Variants in NEK10 observed in about 807,000 individuals in gnomAD.
The protein encoded by NEK10 is serine/threonine-protein kinase Nek10.
NEK10 carries 122 observed loss-of-function variants against 159.8 expected under a neutral mutation model. The ratio of observed to expected loss-of-function variants is 0.76; its 90% CI spans 0.66 to 0.89. NEK10 has a LOEUF of 0.89. Among genes scored for constraint, NEK10 ranks in the 40% least tolerant of loss-of-function variants. The probability of loss-of-function intolerance (pLI) is 0.00; values close to 1 mark genes in which losing one functional copy is unlikely to be tolerated. For synonymous variants in NEK10, 466 were observed against 457.1 expected (o/e 1.02, Z -0.25); for missense variants, 1,342 against 1,323.1 (o/e 1.01, Z -0.22).
intron 23 of NEK10, among the ~76,000 whole-genome samples, chr3:27,230,002 T>C (rs1395893555): frequency 6.6e-6 from 1 of 152,018 alleles, no homozygotes; most frequent in Non-Finnish European, 1.5e-5. Flanking sequence ...GATATCCAAA[T>C]ACAAGAAGCT....
chr3:27,216,763 CCT>C (rs1559628526), intron 23 of NEK10, among the ~76,000 whole-genome samples: 1 of 152,194 alleles, frequency 6.6e-6, no homozygotes, highest in Non-Finnish European at 1.5e-5. Context: ...CTAGTTAATG[CCT>C]CACGGAGCAG....
intron 30 of NEK10, among the ~76,000 whole-genome samples, chr3:27,143,808 C>T (rs1166648883): frequency 6.6e-6 from 1 of 152,162 alleles, no homozygotes; most frequent in East Asian, 1.9e-4. Flanking sequence ...GTGTTGACTT[C>T]CACTCACTTC....
Position 27,122,024 on chromosome 3 carries a change from T to G in NEK10, c.3082-2156A>C, listed in dbSNP as rs1051614170. ...TTGGATATTGTAAATACAAATCATT[T>G]GTGGGTTTCCTAGTCTCCATGTTGA... On this transcript the variant is annotated intron_variant, in intron 32 of 35. Coordinates refer to ENST00000691995, the MANE Select transcript of NEK10 (RefSeq NM_001394966.1). Among the ~76,000 whole-genome samples, 3 of 152,206 alleles carry G rather than the reference T, an allele frequency of 2.0e-5. No individual in the cohort carries two copies. The East Asian group carries it at 5.8e-4, about 29-fold the overall frequency.
At chr3:27,136,012 C>A (rs1487128354) in intron 31 of NEK10, among the ~76,000 whole-genome samples, 1 of 151,100 alleles carries the variant, frequency 6.6e-6, no homozygotes, top group African/African-American at 2.4e-5. Flanking sequence ...TTCTGAACTA[C>A]ATTTTTTTCC....
At chr3:27,139,964 G>A (rs571941833) in intron 31 of NEK10, among the ~76,000 whole-genome samples, 32 of 152,276 alleles carry the variant, frequency 2.1e-4, no homozygotes, top group African/African-American at 6.7e-4. Flanking sequence ...GACACCGAAC[G>A]ATACATGATT....
intron 23 of NEK10, among the ~76,000 whole-genome samples, chr3:27,218,736 TA>T (rs1178048499): frequency 0.046 from 4,283 of 93,126 alleles, 87 homozygotes; most frequent in African/African-American, 0.064. Context: ...GAATGAAGTC[TA>T]AAAAAAAAAA....
In NEK10 at chr3:27,344,367, T is replaced by A. The variant is rs761542464; in HGVS notation, c.267A>T (p.Ile89=). 1.3e-6 allele frequency: 2 copies of A among 1,520,188 alleles called. No homozygotes were observed. Among genetic ancestry groups the A allele is most frequent in the Admixed American group, 3.5e-5 (2 of 57,262 alleles). The allele number at this position is 1,520,188 out of a possible 1,614,324, so 94.2% of individuals were successfully genotyped here. A position where few individuals can be genotyped will look rare whatever the true frequency, so the allele number is the denominator to read the frequency against. ...TGAAATTTCTCTCATTCTTGTAGTTTATACTGAGACAAAACAAACAGAAAA... is the reference window on the plus strand; with the variant it reads ...TGAAATTTCTCTCATTCTTGTAGTTAATACTGAGACAAAACAAACAGAAAA... ...TEAVELENFS[I]NYKNERNFSK... Residue 89 remains isoleucine (I), a synonymous_variant, in exon 5 of 36, where the codon ATA becomes ATT. Coordinates refer to ENST00000691995, the MANE Select transcript of NEK10 (RefSeq NM_001394966.1).
rs983037693 is a variant in NEK10, at chr3:27,110,723, A to AT, written c.*548dup. On this transcript the variant is annotated 3_prime_UTR_variant, in exon 36 of 36. Coordinates refer to ENST00000691995, the MANE Select transcript of NEK10 (RefSeq NM_001394966.1). The stretch of plus-strand genomic sequence containing the variant: ...TGGTTAAGCGAGAACCAACCCATCC[A>AT]TTAAAAAAAAAAAAATTTAATCACG... 1 of 152,218 alleles carries AT rather than the reference A, an allele frequency of 6.6e-6. No homozygotes were observed. The highest frequency in any genetic ancestry group is 2.4e-5 in the African/African-American group (1 of 41,266). 9.4% of individuals were successfully genotyped at this position (152,218 alleles called of 1,614,324 possible). A position where few individuals can be genotyped will look rare whatever the true frequency, so the allele number is the denominator to read the frequency against.
At chr3:27,176,719 A>G (rs936355476) in intron 26 of NEK10, among the ~76,000 whole-genome samples, 1 of 152,176 alleles carries the variant, frequency 6.6e-6, no homozygotes, top group Non-Finnish European at 1.5e-5. Flanking sequence ...GACCTTTTTT[A>G]TTCTAAGTAA....
intron 23 of NEK10, among the ~76,000 whole-genome samples, chr3:27,230,082 A>C (rs531044299): frequency 6.6e-6 from 1 of 152,134 alleles, no homozygotes; most frequent in Non-Finnish European, 1.5e-5. Context: ...GCAAACCAAA[A>C]TCAGCATGAA....
intron 16 of NEK10, among the ~76,000 whole-genome samples, chr3:27,292,767 C>CA (rs35773318): frequency 0.25 from 22,182 of 88,206 alleles, 4,265 homozygotes; most frequent in African/African-American, 0.52. Context: ...GAGCCTTTGT[C>CA]AAAAAAAAAA....
At chr3:27,206,012 GA>G (rs1339113112) in intron 23 of NEK10, among the ~76,000 whole-genome samples, 1 of 151,930 alleles carries the variant, frequency 6.6e-6, no homozygotes, top group Admixed American at 6.6e-5. Flanking sequence ...AAATTTACAA[GA>G]AAAAAAGATA....
chr3:27,141,395 C>T, intron 31 of NEK10, 87 bp downstream of exon 31: 1 of 978,280 alleles, frequency 1.0e-6, no homozygotes, highest in East Asian at 2.5e-5. Context: ...AGAATTCAAT[C>T]TAAAGTCCTC....
At chr3:27,340,926 GC>G (rs762199414) in intron 5 of NEK10, among the ~76,000 whole-genome samples, 16 of 152,136 alleles carry the variant, frequency 1.1e-4, no homozygotes, top group Admixed American at 2.0e-4. Context: ...GTTCACAAAA[GC>G]AAAGATATGG....
At chr3:27,197,329 C>T (rs886253911) in intron 25 of NEK10, among the ~76,000 whole-genome samples, 2 of 151,988 alleles carry the variant, frequency 1.3e-5, no homozygotes, top group African/African-American at 4.8e-5. Context: ...GCGCACACCA[C>T]CAGGCCTGGC....
intron 32 of NEK10, among the ~76,000 whole-genome samples, chr3:27,123,675 C>A (rs1008193658): frequency 7.2e-5 from 11 of 152,004 alleles, no homozygotes; most frequent in African/African-American, 2.4e-4. Flanking sequence ...TGCAACTGTT[C>A]TAAATGCATT....
intron 26 of NEK10, among the ~76,000 whole-genome samples, chr3:27,185,571 A>C (rs988540274): frequency 1.3e-5 from 2 of 152,186 alleles, no homozygotes; most frequent in African/African-American, 4.8e-5. Context: ...CCTCCTGCCA[A>C]CCATCCCTAT....
chr3:27,271,951 T>A (rs2041397394), intron 22 of NEK10, among the ~76,000 whole-genome samples: 1 of 152,146 alleles, frequency 6.6e-6, no homozygotes, highest in South Asian at 2.1e-4. Flanking sequence ...AGCCCTACAA[T>A]TACCAGCCTT....
rs142801764 is a variant in NEK10 at position 27,206,196 on chromosome 3, C to G, written c.2091-3639G>C. Reference sequence around the variant, plus strand: ...CATTCAGTTTGTAGCAGACTTTCCTCTTGAAACACTGCTATGTTTTTCACT... The same window carrying G: ...CATTCAGTTTGTAGCAGACTTTCCTGTTGAAACACTGCTATGTTTTTCACT... On this transcript the variant is annotated intron_variant, in intron 23 of 35. Coordinates refer to ENST00000691995, the MANE Select transcript of NEK10 (RefSeq NM_001394966.1). Among the ~76,000 whole-genome samples, 5 of 152,182 alleles carry G rather than the reference C, an allele frequency of 3.3e-5. No individual in the cohort carries two copies. The East Asian group carries it at 9.7e-4, about 30-fold the overall frequency.
Sources: allele counts gnomAD v4.1 joint callset (sites outside exome capture counted in the v4.1 genomes callset), GRCh38; gene constraint gnomAD v4.1.1; transcripts MANE v1.5; gene names NCBI Gene and HGNC (gene_info 2026-07-23, HGNC 2026-07-21).